WASHC2C: variants seen among roughly 807,000 people sequenced by gnomAD.
WASHC2C encodes the protein WASH complex subunit 2C.
Under a neutral mutation model 142.2 loss-of-function variants are expected in WASHC2C, and 73 were observed. That is an observed-to-expected ratio of 0.51 (90% CI 0.43 to 0.62). The LOEUF is 0.62. Ranked by LOEUF, WASHC2C falls within the 20% of genes least tolerant of loss-of-function variation. The pLI is 0.00. For synonymous variants in WASHC2C, 337 were observed against 565.5 expected, an observed-to-expected ratio of 0.60 and a Z score of 5.73; for missense variants, 969 against 1,531.7, an observed-to-expected ratio of 0.63 and a Z score of 6.13.
rs557200153 is a variant in WASHC2C at position 45,765,265 on chromosome 10, A to G, written c.1738-414A>G. ...GACCCCCAGTTCTCTCCTTTCAGCCATTGTTCTGGTTTCTCATTCGTGGAG... is the reference window on the plus strand; with the variant it reads ...GACCCCCAGTTCTCTCCTTTCAGCCGTTGTTCTGGTTTCTCATTCGTGGAG... On this transcript the variant is annotated intron_variant, in intron 18 of 30. Coordinates refer to ENST00000623400, the MANE Select transcript of WASHC2C (RefSeq NM_001330074.2). Among the ~76,000 whole-genome samples the G allele has an allele frequency of 3.1e-4, 46 of 149,934 alleles. 1 individual carries two copies. In the East Asian group the frequency reaches 8.3e-3, roughly 27 times the overall value.
intron 19 of WASHC2C, among the ~76,000 whole-genome samples, chr10:45,766,933 A>G (rs2055902132): frequency 6.6e-6 from 1 of 152,152 alleles, no homozygotes. Context: ...ACTGAAAGCA[A>G]TTTAAAAATT....
intron 18 of WASHC2C, among the ~76,000 whole-genome samples, chr10:45,764,573 G>A (rs1554881457): frequency 6.6e-6 from 1 of 150,608 alleles, no homozygotes; most frequent in African/African-American, 2.5e-5. Flanking sequence ...AGCACAGTGG[G>A]GAAGAGAAAT....
chr10:45,775,556 G>C (rs2056987741), intron 21 of WASHC2C, among the ~76,000 whole-genome samples: 2 of 148,388 alleles, frequency 1.3e-5, no homozygotes, highest in Admixed American at 6.7e-5. Flanking sequence ...TCTTCAAGAA[G>C]ATTAAAACTG....
intron 28 of WASHC2C, 115 bp downstream of exon 28, chr10:45,787,362 G>T (rs1239633311): frequency 6.7e-7 from 1 of 1,490,746 alleles, no homozygotes. Flanking sequence ...TTTGAAGGAG[G>T]TGCCTCATCC....
chr10:45,750,274 T>C, intron 9 of WASHC2C, 68 bp downstream of exon 9: 1 of 1,532,600 alleles, frequency 6.5e-7, no homozygotes, highest in Non-Finnish European at 8.9e-7. Flanking sequence ...TTCTTTTTAT[T>C]GTGACTTACT....
chr10:45,771,106 C>T (rs1237459422), intron 20 of WASHC2C, among the ~76,000 whole-genome samples: 1 of 151,748 alleles, frequency 6.6e-6, no homozygotes, highest in Non-Finnish European at 1.5e-5. Context: ...GTGGCTCACG[C>T]CTGTAATCCC....
At chr10:45,765,927 G>A (rs2055746426) in intron 19 of WASHC2C, 117 bp downstream of exon 19, 2 of 1,430,946 alleles carry the variant, frequency 1.4e-6, no homozygotes, top group East Asian at 2.3e-5. Context: ...CACCAAAGGC[G>A]ATGTTCACAA....
intron 21 of WASHC2C, among the ~76,000 whole-genome samples, chr10:45,773,579 T>C (rs1224361549): frequency 6.6e-6 from 1 of 152,292 alleles, no homozygotes; most frequent in Non-Finnish European, 1.5e-5. Context: ...CACAAGGAAC[T>C]GGGTCTCAGA....
chr10:45,729,204 T>C (rs1316842347), intron 3 of WASHC2C, among the ~76,000 whole-genome samples, 178 bp downstream of exon 3: 1 of 152,228 alleles, frequency 6.6e-6, no homozygotes, highest in Non-Finnish European at 1.5e-5. Flanking sequence ...AGTCCTTTTT[T>C]CCAAGCCTCT....
At chr10:45,734,974 TTGAC>T (rs2051041717) in intron 3 of WASHC2C, among the ~76,000 whole-genome samples, 1 of 152,118 alleles carries the variant, frequency 6.6e-6, no homozygotes. Context: ...CTTTTCTTCA[TTGAC>T]TATTATGTAT....
chr10:45,765,328 G>A (rs1238005261), intron 18 of WASHC2C, among the ~76,000 whole-genome samples: 3 of 151,288 alleles, frequency 2.0e-5, no homozygotes, highest in South Asian at 2.1e-4. Flanking sequence ...GGGGGCTCCC[G>A]TGCCCATCGC....
chr10:45,734,220 G>A (rs1473240972), intron 3 of WASHC2C, among the ~76,000 whole-genome samples: 2 of 151,838 alleles, frequency 1.3e-5, no homozygotes, highest in African/African-American at 2.4e-5. Flanking sequence ...GCAAGACTCC[G>A]TCTCAAAAAA....
At chr10:45,728,660 C>T (rs2050191639) in intron 2 of WASHC2C, among the ~76,000 whole-genome samples, 1 of 151,332 alleles carries the variant, frequency 6.6e-6, no homozygotes. Flanking sequence ...ATCGCTTGAA[C>T]GCGGGAGGTG....
At chr10:45,758,606 C>CTTTT (rs60416109) in intron 16 of WASHC2C, among the ~76,000 whole-genome samples, 18 of 128,130 alleles carry the variant, frequency 1.4e-4, no homozygotes, top group Non-Finnish European at 2.0e-4. Context: ...CATTCTTCTT[C>CTTTT]TTTTTTTTTT....
intron 23 of WASHC2C, among the ~76,000 whole-genome samples, chr10:45,784,271 T>TATATATATATATATACACACACACAC (rs1564819734): frequency 0.016 from 142 of 8,692 alleles, 1 homozygote; most frequent in South Asian, 0.061. Flanking sequence ...TATATATATA[T>TATATATATATATATACACACACACAC]ATATATATAT....
intron 19 of WASHC2C, among the ~76,000 whole-genome samples, chr10:45,766,231 A>G (rs1554882322): frequency 6.6e-6 from 1 of 152,292 alleles, no homozygotes; most frequent in African/African-American, 2.4e-5. Flanking sequence ...TCCTGTGTCA[A>G]TTTTATGCAG....
intron 28 of WASHC2C, 147 bp downstream of exon 28, chr10:45,787,394 C>T: frequency 6.7e-7 from 1 of 1,494,842 alleles, no homozygotes; most frequent in Non-Finnish European, 9.1e-7. Flanking sequence ...GCTCCCCCCT[C>T]CATTCTCCCC....
chr10:45,771,382 A>T (rs1443337796), intron 20 of WASHC2C: 1 of 983,240 alleles, frequency 1.0e-6, no homozygotes, highest in Non-Finnish European at 1.2e-6. Flanking sequence ...AAAAAAAAAA[A>T]AAAGGCCTTT....
At chr10:45,749,531 G>A (rs2053272272) in intron 8 of WASHC2C, among the ~76,000 whole-genome samples, 1 of 149,850 alleles carries the variant, frequency 6.7e-6, no homozygotes, top group Non-Finnish European at 1.5e-5. Context: ...TCTTATAAAG[G>A]ATACATTTTT....
Sources: gnomAD v4.1 joint callset for allele counts (sites outside exome capture counted in the v4.1 genomes callset) on GRCh38, gnomAD v4.1.1 for gene constraint, MANE v1.5 for transcripts, NCBI Gene and HGNC (gene_info 2026-07-23, HGNC 2026-07-21) for gene names.